Variants in NPAS3 observed in about 807,000 individuals in gnomAD.
NPAS3 encodes neuronal PAS domain protein 3, also known as neuronal PAS domain-containing protein 3.
NPAS3 carries 14 observed loss-of-function variants against 73.1 expected under a neutral mutation model. The observed-to-expected ratio is 0.19, with a 90% CI of 0.13 to 0.30. The LOEUF (loss-of-function observed/expected upper bound fraction) is 0.30, where lower values mean the gene tolerates loss of function less well. Among genes scored for constraint, NPAS3 ranks in the 10% least tolerant of loss-of-function variants. The pLI is 1.00. For synonymous variants in NPAS3, 620 were observed against 541.5 expected (o/e 1.14, Z -2.01); for missense variants, 1,096 against 1,250.0 (o/e 0.88, Z 1.86).
At chr14:33,243,789 T>A (rs565877229) in intron 3 of NPAS3, among the ~76,000 whole-genome samples, 220 of 151,484 alleles carry the variant, frequency 1.5e-3, no homozygotes, top group African/African-American at 4.7e-3. Context: ...AAGTACAAGC[T>A]GAAGGCTGAA....
rs377653326 is a variant in NPAS3 at position 33,636,613 on chromosome 14, A to G, written c.559-39598A>G. On this transcript the variant is annotated intron_variant, in intron 5 of 11. Transcript: ENST00000356141. Reference sequence around the variant, plus strand: ...AAGAAAGTCTAGGTTAAATCTTGAGAATCAGGCAGCCGCTGCCAGAAATCA... The same window carrying G: ...AAGAAAGTCTAGGTTAAATCTTGAGGATCAGGCAGCCGCTGCCAGAAATCA... Among the ~76,000 whole-genome samples, 536 of 152,286 alleles carry G rather than the reference A, an allele frequency of 3.5e-3. 2 individuals are homozygous for G. The highest frequency in any genetic ancestry group is 0.012 in the African/African-American group (497 of 41,556).
chr14:33,464,357 A>G (rs924422933), intron 4 of NPAS3, among the ~76,000 whole-genome samples: 10 of 152,122 alleles, frequency 6.6e-5, no homozygotes, highest in Admixed American at 6.5e-5. Flanking sequence ...ACTCATGGTA[A>G]CAGTAAGGGC....
chr14:33,563,926 C>T (rs1021816545), intron 5 of NPAS3, among the ~76,000 whole-genome samples: 6 of 152,138 alleles, frequency 3.9e-5, no homozygotes, highest in Non-Finnish European at 5.9e-5. Flanking sequence ...GGGGCTTAAT[C>T]GCCAAAGAAT....
intron 2 of NPAS3, among the ~76,000 whole-genome samples, chr14:33,129,726 G>C (rs930723899): frequency 6.6e-6 from 1 of 152,132 alleles, no homozygotes; most frequent in Admixed American, 6.6e-5. Flanking sequence ...ATGTAGAAGT[G>C]AGTATGTATA....
intron 4 of NPAS3, among the ~76,000 whole-genome samples, chr14:33,545,269 C>T (rs550331097): frequency 1.3e-5 from 2 of 152,164 alleles, no homozygotes; most frequent in South Asian, 4.2e-4. Context: ...AGTAGATTAT[C>T]CTACACTTCC....
intron 6 of NPAS3, among the ~76,000 whole-genome samples, chr14:33,724,712 C>T (rs920406005): frequency 4.0e-5 from 6 of 151,478 alleles, no homozygotes; most frequent in Admixed American, 1.3e-4. Context: ...CCGTAAATAT[C>T]GTATCTGTTA....
chr14:33,180,429 G>A (rs2045749164), intron 2 of NPAS3, among the ~76,000 whole-genome samples: 1 of 152,068 alleles, frequency 6.6e-6, no homozygotes, highest in Admixed American at 6.5e-5. Flanking sequence ...TTAGCAATGT[G>A]GTTAATCCTT....
At chr14:33,208,013 G>T (rs1407916563) in intron 2 of NPAS3, among the ~76,000 whole-genome samples, 1 of 151,972 alleles carries the variant, frequency 6.6e-6, no homozygotes, top group Non-Finnish European at 1.5e-5. Context: ...TAGCTGATTT[G>T]GTAAATAGAA....
At chr14:33,059,924 G>T (rs189104144) in intron 2 of NPAS3, among the ~76,000 whole-genome samples, 330 of 151,994 alleles carry the variant, frequency 2.2e-3, no homozygotes, top group African/African-American at 7.7e-3. Flanking sequence ...AAGACTACAG[G>T]TGCATGCCCC....
intron 5 of NPAS3, among the ~76,000 whole-genome samples, chr14:33,565,194 C>A (rs969624757): frequency 1.3e-5 from 2 of 151,996 alleles, no homozygotes; most frequent in East Asian, 3.9e-4. Context: ...TTTTTTAAGC[C>A]ATGCAGATAT....
At chr14:33,788,938 T>A (rs1384890841) in intron 9 of NPAS3, among the ~76,000 whole-genome samples, 3 of 132,648 alleles carry the variant, frequency 2.3e-5, no homozygotes, top group Admixed American at 8.4e-5. Context: ...GGTGACATTT[T>A]AAAAAGATAT....
downstream of NPAS3, chr14:33,802,376 T>TAAAAAAAAAAAAAAAAAAAAAAAAA (rs71293230): frequency 3.8e-4 from 36 of 95,574 alleles, no homozygotes; most frequent in Admixed American, 6.0e-4. Flanking sequence ...GCACATTAAG[T>TAAAAAAAAAAAAAAAAAAAAAAAAA]AAAAAAAAAA....
chr14:33,065,471 G>A (rs561342963), intron 2 of NPAS3, among the ~76,000 whole-genome samples: 1 of 152,306 alleles, frequency 6.6e-6, no homozygotes, highest in East Asian at 1.9e-4. Context: ...TTAAAGCAGA[G>A]AGAGGGCTGG....
At chr14:33,598,470 G>C (rs1383630805) in intron 5 of NPAS3, among the ~76,000 whole-genome samples, 1 of 152,198 alleles carries the variant, frequency 6.6e-6, no homozygotes, top group East Asian at 1.9e-4. Context: ...AAAACCTAGT[G>C]CCTTACAATC....
intron 2 of NPAS3, among the ~76,000 whole-genome samples, chr14:33,134,310 A>T (rs2043753320): frequency 6.6e-6 from 1 of 151,954 alleles, no homozygotes; most frequent in South Asian, 2.1e-4. Flanking sequence ...TGCAGTTGCT[A>T]CTGCTTCCAT....
exon 12 of NPAS3, chr14:33,799,885 C>A (rs746274027): frequency 6.2e-7 from 1 of 1,614,194 alleles, no homozygotes; most frequent in Non-Finnish European, 8.5e-7. Flanking sequence ...CGGACAGCCG[C>A]GACAGCGACG....
intron 2 of NPAS3, among the ~76,000 whole-genome samples, chr14:33,089,630 T>C (rs1356422414): frequency 1.3e-5 from 2 of 152,016 alleles, no homozygotes; most frequent in Non-Finnish European, 2.9e-5. Flanking sequence ...AACATTCAAA[T>C]TGAGGAAATA....
At chr14:33,229,682 T>A (rs2047773340) in intron 3 of NPAS3, among the ~76,000 whole-genome samples, 1 of 152,196 alleles carries the variant, frequency 6.6e-6, no homozygotes, top group Admixed American at 6.5e-5. Context: ...TTCTGTACAA[T>A]GTGGCTTTCT....
intron 3 of NPAS3, among the ~76,000 whole-genome samples, chr14:33,230,990 A>G (rs777962228): frequency 6.6e-6 from 1 of 152,228 alleles, no homozygotes; most frequent in Non-Finnish European, 1.5e-5. Flanking sequence ...CAATGCAGAT[A>G]CGCTTCTAAA....
Sources: gnomAD v4.1 joint callset for allele counts (sites outside exome capture counted in the v4.1 genomes callset) on GRCh38, gnomAD v4.1.1 for gene constraint, MANE v1.5 for transcripts, NCBI Gene and HGNC (gene_info 2026-07-23, HGNC 2026-07-21) for gene names.